ATXN7L1: variants seen among roughly 807,000 people sequenced by gnomAD.
ATXN7L1 encodes ataxin-7-like protein 1.
In ATXN7L1, 15 loss-of-function variants were observed where a neutral mutation model predicts 70.8. The ratio of observed to expected loss-of-function variants is 0.21; its 90% CI spans 0.14 to 0.33. The LOEUF (loss-of-function observed/expected upper bound fraction) is 0.33, where lower values mean the gene tolerates loss of function less well. ATXN7L1 is among the 10% of genes least tolerant of loss of function. The pLI is 1.00. For synonymous variants in ATXN7L1, 440 were observed against 445.1 expected, an observed-to-expected ratio of 0.99 and a Z score of 0.14; for missense variants, 975 against 1,097.1, an observed-to-expected ratio of 0.89 and a Z score of 1.57.
chr7:105,734,957 T>A (rs1020364829), intron 3 of ATXN7L1, among the ~76,000 whole-genome samples: 14 of 152,164 alleles, frequency 9.2e-5, no homozygotes, highest in African/African-American at 2.9e-4. Context: ...CCTCCACACT[T>A]ATGCTTTCCC....
chr7:105,859,992 A>T (rs1167219539), intron 2 of ATXN7L1, among the ~76,000 whole-genome samples: 1 of 150,028 alleles, frequency 6.7e-6, no homozygotes, highest in Non-Finnish European at 1.5e-5. Flanking sequence ...CATGTTGGCC[A>T]GGCTGGTCTC....
intron 2 of ATXN7L1, among the ~76,000 whole-genome samples, chr7:105,840,616 C>T (rs954200246): frequency 6.6e-6 from 1 of 152,190 alleles, no homozygotes; most frequent in Admixed American, 6.5e-5. Context: ...TACTGCCCCC[C>T]AGAGCTTACA....
intron 2 of ATXN7L1, among the ~76,000 whole-genome samples, chr7:105,816,392 A>G (rs1247504844): frequency 6.6e-6 from 1 of 152,164 alleles, no homozygotes; most frequent in East Asian, 1.9e-4. Context: ...TTTTATAGAC[A>G]CTAGCTTTTA....
chr7:105,737,222 C>T (rs974549), intron 3 of ATXN7L1, among the ~76,000 whole-genome samples: 31,276 of 152,210 alleles, frequency 0.21, 3,439 homozygotes, highest in East Asian at 0.33. Flanking sequence ...TCACATACAA[C>T]GCTTTGATAA....
At chr7:105,804,389 C>T (rs1807265046) in intron 2 of ATXN7L1, among the ~76,000 whole-genome samples, 1 of 152,134 alleles carries the variant, frequency 6.6e-6, no homozygotes, top group South Asian at 2.1e-4. Flanking sequence ...CCACCCTGCC[C>T]CAAGGTAAGG....
chr7:105,733,910 T>TC (rs1324230737), intron 3 of ATXN7L1, among the ~76,000 whole-genome samples: 1 of 87,446 alleles, frequency 1.1e-5, no homozygotes, highest in African/African-American at 4.4e-5. Context: ...CCATCATCCA[T>TC]CATCCATCCA....
chr7:105,643,715 C>T (rs758823377), intron 4 of ATXN7L1, among the ~76,000 whole-genome samples: 1 of 152,050 alleles, frequency 6.6e-6, no homozygotes, highest in Non-Finnish European at 1.5e-5. Context: ...TTGAGTGAGC[C>T]GCCATGTAGC....
intron 2 of ATXN7L1, among the ~76,000 whole-genome samples, chr7:105,873,079 G>A (rs1046554894): frequency 4.6e-5 from 7 of 152,128 alleles, no homozygotes; most frequent in African/African-American, 7.2e-5. Flanking sequence ...GTGTGAACCC[G>A]GGAGGCGGAG....
chr7:105,760,331 G>A, intron 3 of ATXN7L1: 2 of 915,266 alleles, frequency 2.2e-6, no homozygotes, highest in Non-Finnish European at 2.6e-6. Flanking sequence ...CATATGAGGG[G>A]GCTGTTAGGA....
chr7:105,709,390 G>T (rs1158481551), intron 3 of ATXN7L1, among the ~76,000 whole-genome samples: 2 of 152,110 alleles, frequency 1.3e-5, no homozygotes, highest in East Asian at 1.9e-4. Context: ...GTAGGGCCTT[G>T]CTTAACCTGG....
intron 10 of ATXN7L1, among the ~76,000 whole-genome samples, chr7:105,611,583 G>A (rs1793158675): frequency 6.6e-6 from 1 of 152,194 alleles, no homozygotes; most frequent in African/African-American, 2.4e-5. Flanking sequence ...TGTTGGCCAG[G>A]CTGGTCTCCA....
At chr7:105,705,885 CTTA>C (rs1793097018) in intron 3 of ATXN7L1, among the ~76,000 whole-genome samples, 1 of 152,240 alleles carries the variant, frequency 6.6e-6, no homozygotes, top group African/African-American at 2.4e-5. Flanking sequence ...ACACCTCCAC[CTTA>C]GCACCTGGCA....
intron 3 of ATXN7L1, among the ~76,000 whole-genome samples, chr7:105,771,201 GA>G (rs1801948058): frequency 7.2e-6 from 1 of 139,250 alleles, no homozygotes; most frequent in South Asian, 2.3e-4. Flanking sequence ...CTCCGTCTCT[GA>G]TAATAATAAT....
At chr7:105,841,092 T>G (rs1813138800) in intron 2 of ATXN7L1, among the ~76,000 whole-genome samples, 1 of 152,216 alleles carries the variant, frequency 6.6e-6, no homozygotes, top group Admixed American at 6.5e-5. Flanking sequence ...GGAGCAACAC[T>G]GAGCTTTGTG....
At chr7:105,611,916 G>A (rs185094930) in intron 10 of ATXN7L1, among the ~76,000 whole-genome samples, 25 of 152,304 alleles carry the variant, frequency 1.6e-4, no homozygotes, top group Admixed American at 8.5e-4. Context: ...TTAATGCCCT[G>A]CTGACAAGCA....
At chr7:105,742,377 A>G (rs1266901476) in intron 3 of ATXN7L1, among the ~76,000 whole-genome samples, 2 of 152,248 alleles carry the variant, frequency 1.3e-5, no homozygotes. Flanking sequence ...TACAATAGGC[A>G]ATAACCCTTA....
intron 3 of ATXN7L1, among the ~76,000 whole-genome samples, chr7:105,708,514 C>T (rs559248480): frequency 3.9e-5 from 6 of 152,220 alleles, no homozygotes; most frequent in South Asian, 4.1e-4. Context: ...TAAATTGGAG[C>T]GCAACTTATT....
Position 105,672,323 on chromosome 7 carries a change from C to T in ATXN7L1, c.356-7035G>A, listed in dbSNP as rs539039413. On this transcript the variant is annotated intron_variant, in intron 3 of 11. Transcript: ENST00000419735. ...AAAAAGAGAGGCACTACTAGTTTCT[C>T]TTTTCTACAGGTAAGTTTGATTAAC... Among the ~76,000 whole-genome samples the T allele has an allele frequency of 2.6e-5, 4 of 152,286 alleles. No individual in the cohort carries two copies. In the South Asian group the frequency reaches 6.2e-4, roughly 24 times the overall value.
chr7:105,849,540 A>G (rs1348560524), intron 2 of ATXN7L1, among the ~76,000 whole-genome samples: 1 of 152,262 alleles, frequency 6.6e-6, no homozygotes, highest in African/African-American at 2.4e-5. Context: ...TGCCTCTCTT[A>G]CAGGGTGGTG....
Sources: allele counts gnomAD v4.1 joint callset (sites outside exome capture counted in the v4.1 genomes callset), GRCh38; gene constraint gnomAD v4.1.1; transcripts MANE v1.5; gene names NCBI Gene and HGNC (gene_info 2026-07-23, HGNC 2026-07-21).